ODAD3: variants seen among roughly 807,000 people sequenced by gnomAD.
ODAD3 encodes the protein outer dynein arm docking complex subunit 3.
In ODAD3, 57 loss-of-function variants were observed where a neutral mutation model predicts 70.9. The ratio of observed to expected loss-of-function variants is 0.80; its 90% CI spans 0.65 to 1.00. ODAD3 has a LOEUF of 1.00. ODAD3 is among the 50% of genes least tolerant of loss of function. ODAD3 has a pLI of 0.00. For synonymous variants in ODAD3, 327 were observed against 315.9 expected (o/e 1.04, Z -0.37); for missense variants, 797 against 763.9 (o/e 1.04, Z -0.51).
Position 11,422,480 on chromosome 19 carries a change from G to C in ODAD3, c.1425C>G (p.His475Gln). 1 of 1,592,386 alleles carries C rather than the reference G, an allele frequency of 6.3e-7. No individual in the cohort carries two copies. Among genetic ancestry groups the C allele is most frequent in the Non-Finnish European group, 8.5e-7 (1 of 1,170,860 alleles). The change falls in exon 10 of 13, where the codon CAC becomes CAG. Residue 475 changes from histidine (H) to glutamine (Q), a missense_variant. Physicochemically the swap from His to Gln is conservative, Grantham distance 24. Coordinates refer to ENST00000356392, the MANE Select transcript of ODAD3 (RefSeq NM_145045.5). The surrounding 1 kb of genome is among the most constrained non-coding windows in gnomAD (Gnocchi z 4.6). Reference sequence around the variant, plus strand: ...CCTGGGCGGGGCCTACCACAGTGATGTGGATCAGCTTGCTGGCCAGGTGCT... The same window carrying C: ...CCTGGGCGGGGCCTACCACAGTGATCTGGATCAGCTTGCTGGCCAGGTGCT... ...SLEHLASKLI[H>Q]ITVEDGRFAG...
intron 7 of ODAD3, among the ~76,000 whole-genome samples, chr19:11,425,399 ATG>A (rs1390910815): frequency 1.5e-5 from 2 of 132,272 alleles, no homozygotes; most frequent in Admixed American, 7.3e-5. Context: ...ATATGTGTAT[ATG>A]TATATATACA....
intron 1 of ODAD3, among the ~76,000 whole-genome samples, chr19:11,432,419 AT>A (rs1417176194): frequency 1.3e-5 from 2 of 151,876 alleles, no homozygotes; most frequent in African/African-American, 4.8e-5. Flanking sequence ...TGGCTACTTT[AT>A]TTTTTGTAGA....
In ODAD3 at chr19:11,430,438, G is replaced by T. The variant is rs1969478533; in HGVS notation, c.444+261C>A. Reference sequence around the variant, plus strand: ...CAGACGTGGGCCACCGCGCCTGGCTGTGATGTTTTTTTTTTTAACTTGTTT... The same window carrying T: ...CAGACGTGGGCCACCGCGCCTGGCTTTGATGTTTTTTTTTTTAACTTGTTT... On this transcript the variant is annotated intron_variant, in intron 3 of 12. Coordinates refer to ENST00000356392, the MANE Select transcript of ODAD3 (RefSeq NM_145045.5). 7.7e-6 allele frequency: 4 copies of T among 521,684 alleles called. No individual in the cohort carries two copies. The South Asian group carries it at 1.0e-4, about 13-fold the overall frequency. The allele number at this position is 521,684 out of a possible 1,614,324, so 32.3% of individuals were successfully genotyped here.
intron 7 of ODAD3, 131 bp downstream of exon 7, chr19:11,426,013 G>T: frequency 8.1e-7 from 1 of 1,240,098 alleles, no homozygotes; most frequent in Non-Finnish European, 1.1e-6. Flanking sequence ...AGTGGGGGTG[G>T]AGTCAGAGAG....
chr19:11,425,305 A>C (rs1047407893), intron 7 of ODAD3, among the ~76,000 whole-genome samples: 1 of 129,632 alleles, frequency 7.7e-6, no homozygotes, highest in South Asian at 2.4e-4. Context: ...ATATATGTGT[A>C]TGTGTACATA....
intron 4 of ODAD3, 29 bp from the exon 5 acceptor site, chr19:11,426,813 C>T (rs1296505007): frequency 3.1e-6 from 5 of 1,613,354 alleles, no homozygotes; most frequent in African/African-American, 2.7e-5. Flanking sequence ...GGGCTGAGGG[C>T]CCTCCGCACT....
chr19:11,431,897 C>T (rs1969511222), intron 1 of ODAD3, among the ~76,000 whole-genome samples: 1 of 148,068 alleles, frequency 6.8e-6, no homozygotes, highest in Admixed American at 6.9e-5. Context: ...GAGCCGAGAT[C>T]GCACCACTGC....
chr19:11,422,456 C>T lies in ODAD3; in HGVS notation c.1434+15G>A. 1.3e-6 allele frequency: 2 copies of T among 1,559,120 alleles called. No homozygotes were observed. Among genetic ancestry groups the T allele is most frequent in the Non-Finnish European group, 1.7e-6 (2 of 1,150,512 alleles). ...CCAGGAGGGCCTGTCGGGGCTTCCCCTGGGCGGGGCCTACCACAGTGATGT... is the reference window on the plus strand; with the variant it reads ...CCAGGAGGGCCTGTCGGGGCTTCCCTTGGGCGGGGCCTACCACAGTGATGT... On this transcript the variant is annotated intron_variant, in intron 10 of 12. Transcript: ENST00000356392. The surrounding 1 kb of genome is among the most constrained non-coding windows in gnomAD (Gnocchi z 4.6).
In ODAD3 at chr19:11,426,176, T is replaced by C; in HGVS notation, c.931A>G (p.Lys311Glu). The C allele has an allele frequency of 6.2e-7, 1 of 1,612,680 alleles. No homozygotes were observed. Among genetic ancestry groups the C allele is most frequent in the African/African-American group, 1.3e-5 (1 of 74,956 alleles). The change falls in exon 7 of 13, where the codon AAG becomes GAG. Residue 311 changes from lysine to glutamate, a missense_variant. By Grantham distance (56) the Lys-to-Glu change is moderately conservative. Transcript: ENST00000356392. ...TCCATGCGCTCGTTCTCCAGTTTCT[T>C]CTCCTCGGCGCGCTTCTTGCACTCA... ...ISECKKRAEE[K>E]KLENERMERK...
At chr19:11,427,637 A>G (rs941625466) in intron 3 of ODAD3, among the ~76,000 whole-genome samples, 1 of 151,630 alleles carries the variant, frequency 6.6e-6, no homozygotes, top group Non-Finnish European at 1.5e-5. Context: ...ATGTGCCACT[A>G]CACCCGGCTA....
chr19:11,425,338 T>C (rs943187939), intron 7 of ODAD3, among the ~76,000 whole-genome samples: 13 of 130,024 alleles, frequency 1.0e-4, no homozygotes, highest in African/African-American at 3.3e-4. Context: ...CATATGTGTA[T>C]ATATGTATAT....
intron 7 of ODAD3, among the ~76,000 whole-genome samples, chr19:11,425,206 T>C (rs902986727): frequency 7.7e-5 from 11 of 142,602 alleles, no homozygotes; most frequent in South Asian, 2.2e-4. Context: ...TGTGTATGTG[T>C]ACATATGTGT....
chr19:11,423,525 C>T (rs1351433738), intron 8 of ODAD3, among the ~76,000 whole-genome samples: 2 of 152,110 alleles, frequency 1.3e-5, no homozygotes, highest in Admixed American at 6.6e-5. Context: ...CCACTGGGTC[C>T]CAGACCATGT....
upstream of ODAD3, chr19:11,435,778 G>T (rs78515852): frequency 1.1e-3 from 1,546 of 1,397,266 alleles, 14 homozygotes; most frequent in African/African-American, 0.021. Flanking sequence ...GCATGTGTGG[G>T]TGTGGACGGC....
chr19:11,421,507 C>A (rs941405781), intron 11 of ODAD3, among the ~76,000 whole-genome samples, 170 bp downstream of exon 11: 5 of 152,152 alleles, frequency 3.3e-5, no homozygotes, highest in African/African-American at 1.2e-4. Flanking sequence ...TTTCTTCCCT[C>A]GTGGCTCGGG....
chr19:11,424,554 T>C (rs1969223056), intron 7 of ODAD3, among the ~76,000 whole-genome samples: 1 of 128,946 alleles, frequency 7.8e-6, no homozygotes, highest in Admixed American at 7.9e-5. Context: ...TATATACCTA[T>C]GTGTATATAT....
In ODAD3 at chr19:11,422,385, A is replaced by T. The variant is rs1969158621; in HGVS notation, c.1434+86T>A. ...GTGGCAGGCCACGTTCCCTCGGGCA[A>T]GCTGGTGTGGCAGGAACCCCGCTTC... On this transcript the variant is annotated intron_variant, in intron 10 of 12. Coordinates refer to ENST00000356392, the MANE Select transcript of ODAD3 (RefSeq NM_145045.5). This position sits in a 1 kb window ranked among gnomAD's most constrained non-coding sequence, Gnocchi z 4.6. The T allele has an allele frequency of 7.0e-7, 1 of 1,432,566 alleles. No homozygotes were observed. The highest frequency in any genetic ancestry group is 2.7e-5 in the Admixed American group (1 of 37,548). The allele number at this position is 1,432,566 out of a possible 1,614,324, so 88.7% of individuals were successfully genotyped here. A position where few individuals can be genotyped will look rare whatever the true frequency, so the allele number is the denominator to read the frequency against.
At chr19:11,425,624 T>A (rs1311143648) in intron 7 of ODAD3, among the ~76,000 whole-genome samples, 1 of 141,328 alleles carries the variant, frequency 7.1e-6, no homozygotes, top group South Asian at 2.1e-4. Context: ...TATGCATATA[T>A]GCATATATGT....
At chr19:11,425,591 A>G (rs1277676739) in intron 7 of ODAD3, among the ~76,000 whole-genome samples, 157 of 140,846 alleles carry the variant, frequency 1.1e-3, no homozygotes, top group African/African-American at 3.8e-3. Context: ...ATGTATGTAT[A>G]TGTGTATATA....
Sources: gnomAD v4.1 joint callset for allele counts (sites outside exome capture counted in the v4.1 genomes callset) on GRCh38, gnomAD v4.1.1 for gene constraint, Gnocchi (gnomAD v3.1) non-coding constraint, MANE v1.5 for transcripts, NCBI Gene and HGNC (gene_info 2026-07-23, HGNC 2026-07-21) for gene names.